PAIP2B: variants seen among roughly 807,000 people sequenced by gnomAD.
PAIP2B encodes polyadenylate-binding protein-interacting protein 2B.
In PAIP2B, 13 loss-of-function variants were observed where a neutral mutation model predicts 17.0. The ratio of observed to expected loss-of-function variants is 0.76; its 90% CI spans 0.50 to 1.22. PAIP2B has a LOEUF of 1.22. PAIP2B is among the 50% of genes most tolerant of loss of function. The pLI is 0.00. For synonymous variants in PAIP2B, 43 were observed against 48.7 expected (o/e 0.88, Z 0.48); for missense variants, 117 against 144.5 (o/e 0.81, Z 0.98).
Position 71,202,488 on chromosome 2 carries a change from G to A in PAIP2B, c.102C>T (p.Tyr34=). ...HDEKENPFAE[Y]MWMENEEDFN... Reference sequence around the variant, plus strand: ...AATCCTCTTCATTCTCCATCCACATGTACTCTGCAAATGGGTTTTCCTTTT... The same window carrying A: ...AATCCTCTTCATTCTCCATCCACATATACTCTGCAAATGGGTTTTCCTTTT... Residue 34 remains tyrosine (Y), a synonymous_variant, in exon 2 of 4, where the codon TAC becomes TAT. Transcript: ENST00000244221. The A allele has an allele frequency of 6.2e-7, 1 of 1,613,784 alleles. No individual in the cohort carries two copies. Among genetic ancestry groups the A allele is most frequent in the Non-Finnish European group, 8.5e-7 (1 of 1,179,822 alleles).
rs552233122 is a variant in PAIP2B, at chr2:71,218,053, C to T, written c.-12+8875G>A. Among the ~76,000 whole-genome samples the T allele has an allele frequency of 1.3e-3, 198 of 151,960 alleles. 1 individual carries two copies. The highest frequency in any genetic ancestry group is 4.7e-3 in the African/African-American group (193 of 41,420). On this transcript the variant is annotated intron_variant, in intron 1 of 3. Coordinates refer to ENST00000244221, the MANE Select transcript of PAIP2B (RefSeq NM_020459.1). ...CTGCACTCCAGCCTGGGTGACAGACCAAGACCTAGATAATTACATTCTGCC... is the reference window on the plus strand; with the variant it reads ...CTGCACTCCAGCCTGGGTGACAGACTAAGACCTAGATAATTACATTCTGCC...
rs1466801442 is a variant in PAIP2B at position 71,183,937 on chromosome 2, TG to T, written c.*4541del. 6.6e-6 allele frequency: 1 copy of T among 152,218 alleles called. No individual in the cohort carries two copies. Among genetic ancestry groups the T allele is most frequent in the Non-Finnish European group, 1.5e-5 (1 of 68,042 alleles). 9.4% of individuals were successfully genotyped at this position (152,218 alleles called of 1,614,324 possible). A position where few individuals can be genotyped will look rare whatever the true frequency, so the allele number is the denominator to read the frequency against. On this transcript the variant is annotated 3_prime_UTR_variant, in exon 4 of 4. Coordinates refer to ENST00000244221, the MANE Select transcript of PAIP2B (RefSeq NM_020459.1). Reference sequence around the variant, plus strand: ...TATGTAACATATGCCTCATTAAAGTTGTTTTAAGAAAAGGATTCCCTGCCTC... The same window carrying T: ...TATGTAACATATGCCTCATTAAAGTTTTTTAAGAAAAGGATTCCCTGCCTC...
At chr2:71,220,769 G>C (rs963174998) in intron 1 of PAIP2B, among the ~76,000 whole-genome samples, 1 of 152,134 alleles carries the variant, frequency 6.6e-6, no homozygotes, top group African/African-American at 2.4e-5. Flanking sequence ...TTACAGGCGT[G>C]AGCCATCATC....
In PAIP2B at chr2:71,202,467, C is replaced by T; in HGVS notation, c.123G>A (p.Glu41=). 1 of 1,613,362 alleles carries T rather than the reference C, an allele frequency of 6.2e-7. No individual in the cohort carries two copies. Among genetic ancestry groups the T allele is most frequent in the Non-Finnish European group, 8.5e-7 (1 of 1,179,656 alleles). ...CTTTCTTTACCTGTCTGTTGAAATC[C>T]TCTTCATTCTCCATCCACATGTACT... is the stretch of plus-strand genomic sequence containing the variant. ...FAEYMWMENE[E]DFNRQVEEEL... Residue 41 remains glutamate (E), a synonymous_variant, in exon 2 of 4, where the codon GAG becomes GAA. Coordinates refer to ENST00000244221, the MANE Select transcript of PAIP2B (RefSeq NM_020459.1).
rs1309764025 is a variant in PAIP2B at position 71,187,270 on chromosome 2, G to C, written c.*1209C>G. The stretch of plus-strand genomic sequence containing the variant: ...AAAGACAAAGAAACACACCCTAAGA[G>C]GTCAATCTACAAAACTTGCAAAGCT... On this transcript the variant is annotated 3_prime_UTR_variant, in exon 4 of 4. Transcript: ENST00000244221. 5 of 152,170 alleles carry C rather than the reference G, an allele frequency of 3.3e-5. No individual in the cohort carries two copies. Among genetic ancestry groups the C allele is most frequent in the African/African-American group, 9.7e-5 (4 of 41,438 alleles). 9.4% of individuals were successfully genotyped at this position (152,170 alleles called of 1,614,324 possible).
At chr2:71,192,489 G>T (rs1316032982) in intron 2 of PAIP2B, among the ~76,000 whole-genome samples, 1 of 151,720 alleles carries the variant, frequency 6.6e-6, no homozygotes, top group Non-Finnish European at 1.5e-5. Context: ...ACACGTGAAG[G>T]TTACATAAAC....
intron 2 of PAIP2B, among the ~76,000 whole-genome samples, chr2:71,193,670 G>A (rs1479328359): frequency 7.2e-5 from 11 of 151,998 alleles, no homozygotes; most frequent in African/African-American, 2.4e-4. Flanking sequence ...TGGCTAACAC[G>A]GTGAAACCCC....
rs151053312 is a variant in PAIP2B, at chr2:71,195,929, G to A, written c.139-5908C>T. ...TGGGACTATAGGCATGAGCCACCACGCCTGGCCTATTTCATTAACTTTTTT... is the reference window on the plus strand; with the variant it reads ...TGGGACTATAGGCATGAGCCACCACACCTGGCCTATTTCATTAACTTTTTT... On this transcript the variant is annotated intron_variant, in intron 2 of 3. Coordinates refer to ENST00000244221, the MANE Select transcript of PAIP2B (RefSeq NM_020459.1). 4.3e-3 allele frequency among the ~76,000 whole-genome samples: 655 copies of A among 152,210 alleles called. 5 individuals carry two copies. Among genetic ancestry groups the A allele is most frequent in the Non-Finnish European group, 6.5e-3 (439 of 68,006 alleles).
intron 1 of PAIP2B, among the ~76,000 whole-genome samples, chr2:71,218,919 CTTTTTTTTT>C (rs869124496): frequency 4.3e-5 from 6 of 138,106 alleles, no homozygotes; most frequent in Non-Finnish European, 9.5e-5. Flanking sequence ...CTTTTTTTTT[CTTTTTTTTT>C]TTTTTGAGAT....
intron 2 of PAIP2B, among the ~76,000 whole-genome samples, chr2:71,197,895 C>A (rs568868592): frequency 6.6e-6 from 1 of 152,334 alleles, no homozygotes; most frequent in Admixed American, 6.5e-5. Context: ...CCCACCAGGT[C>A]CCTCCCACAA....
At chr2:71,221,544 A>C (rs1558784280) in intron 1 of PAIP2B, among the ~76,000 whole-genome samples, 1 of 152,188 alleles carries the variant, frequency 6.6e-6, no homozygotes. Flanking sequence ...CCACACTATA[A>C]TACTAAATGC....
At chr2:71,226,338 T>C (rs989740453) in intron 1 of PAIP2B, among the ~76,000 whole-genome samples, 4 of 152,142 alleles carry the variant, frequency 2.6e-5, no homozygotes, top group Non-Finnish European at 5.9e-5. Flanking sequence ...TAGGGGGTGA[T>C]GGGCTCACTC....
At chr2:71,216,359 C>A (rs940231898) in intron 1 of PAIP2B, among the ~76,000 whole-genome samples, 2 of 152,174 alleles carry the variant, frequency 1.3e-5, no homozygotes, top group African/African-American at 4.8e-5. Context: ...CTAAGCCTTG[C>A]AAATGAAATG....
At chr2:71,198,081 G>C (rs955657000) in intron 2 of PAIP2B, among the ~76,000 whole-genome samples, 6 of 152,038 alleles carry the variant, frequency 3.9e-5, no homozygotes, top group Non-Finnish European at 5.9e-5. Context: ...GGAGGTTTTT[G>C]TTCATTCCTT....
At chr2:71,202,677 G>T in intron 1 of PAIP2B, 77 bp from the exon 2 acceptor site, 1 of 1,248,896 alleles carries the variant, frequency 8.0e-7, no homozygotes. Context: ...TGCAGATTCT[G>T]TCAGAAGCTT....
intron 1 of PAIP2B, among the ~76,000 whole-genome samples, chr2:71,202,966 CA>C (rs1315714142): frequency 2.0e-5 from 3 of 152,122 alleles, no homozygotes; most frequent in African/African-American, 7.2e-5. Flanking sequence ...AGTGAAAATG[CA>C]TTCTTAATGA....
At chr2:71,213,945 C>A (rs1267338068) in intron 1 of PAIP2B, among the ~76,000 whole-genome samples, 2 of 152,172 alleles carry the variant, frequency 1.3e-5, no homozygotes, top group Non-Finnish European at 2.9e-5. Context: ...AACAATCCCA[C>A]AAGGCAGGGA....
intron 1 of PAIP2B, among the ~76,000 whole-genome samples, chr2:71,223,325 T>C (rs932809369): frequency 6.6e-5 from 10 of 152,022 alleles, no homozygotes; most frequent in South Asian, 2.1e-4. Flanking sequence ...GGCAGGAGGA[T>C]TGCTTGACCC....
intron 1 of PAIP2B, among the ~76,000 whole-genome samples, chr2:71,215,849 G>T (rs78436706): frequency 6.6e-6 from 1 of 152,104 alleles, no homozygotes; most frequent in Non-Finnish European, 1.5e-5. Flanking sequence ...TTATATATCT[G>T]TGTATCTATG....
Sources: allele counts gnomAD v4.1 joint callset (sites outside exome capture counted in the v4.1 genomes callset), GRCh38; gene constraint gnomAD v4.1.1; transcripts MANE v1.5; gene names NCBI Gene and HGNC (gene_info 2026-07-23, HGNC 2026-07-21).